UHRF2: variants seen among roughly 807,000 people sequenced by gnomAD.
UHRF2 encodes ubiquitin like with PHD and ring finger domains 2, also known as E3 ubiquitin-protein ligase UHRF2.
A neutral mutation model predicts 96.8 loss-of-function variants in UHRF2; 23 were observed. The ratio of observed to expected loss-of-function variants is 0.24; its 90% CI spans 0.17 to 0.34. UHRF2 has a LOEUF of 0.34. Among genes scored for constraint, UHRF2 ranks in the 10% least tolerant of loss-of-function variants. UHRF2 has a pLI of 1.00. For missense variants in UHRF2, 685 were observed against 981.5 expected (o/e 0.70, Z 4.04); for synonymous variants, 385 against 332.6 (o/e 1.16, Z -1.72).
chr9:6,455,103 C>T (rs1042964053), intron 3 of UHRF2, among the ~76,000 whole-genome samples: 9 of 152,286 alleles, frequency 5.9e-5, no homozygotes, highest in African/African-American at 1.7e-4. Context: ...CCCTCTACTA[C>T]CTAGCAATAC....
intron 3 of UHRF2, among the ~76,000 whole-genome samples, chr9:6,453,444 A>T (rs553317872): frequency 1.3e-5 from 2 of 152,358 alleles, no homozygotes; most frequent in South Asian, 4.1e-4. Flanking sequence ...GAAATAGAAC[A>T]GGTTTCTGTC....
At position 6,499,930 on chromosome 9, in the gene UHRF2, TGGTA is replaced by T; in HGVS notation, c.2005+4_2005+7del. The stretch of plus-strand genomic sequence containing the variant: ...GAACCACAAAAAGGCCAATTTCAGA[TGGTA>T]GGTAATGATTGCAAAATATAAATAA... On this transcript the variant is annotated splice_donor_variant and splice_donor_region_variant and coding_sequence_variant and intron_variant, in exon 13 of 16. Coordinates refer to ENST00000276893, the MANE Select transcript of UHRF2 (RefSeq NM_152896.3). LOFTEE classifies it high-confidence loss of function. The T allele has an allele frequency of 6.2e-7, 1 of 1,603,532 alleles. No homozygotes were observed. The highest frequency in any genetic ancestry group is 8.5e-7 in the Non-Finnish European group (1 of 1,172,252).
At position 6,497,923 on chromosome 9, in the gene UHRF2, C is replaced by T; in HGVS notation, c.1768-95C>T. ...AGCAAAGCAGAATATTCAGAAGTTG[C>T]ATTTAGTTCTGGCAAAGATTATTTT... On this transcript the variant is annotated intron_variant, in intron 11 of 15. Transcript: ENST00000276893. 3 of 1,458,498 alleles carry T rather than the reference C, an allele frequency of 2.1e-6. No homozygotes were observed. The South Asian group carries it at 4.0e-5, about 19-fold the overall frequency. 90.3% of individuals were successfully genotyped at this position (1,458,498 alleles called of 1,614,324 possible).
At chr9:6,491,226 C>T (rs949037087) in intron 9 of UHRF2, among the ~76,000 whole-genome samples, 1 of 152,170 alleles carries the variant, frequency 6.6e-6, no homozygotes, top group African/African-American at 2.4e-5. Flanking sequence ...AAGCCAGAGT[C>T]TGTTTGGTTT....
chr9:6,420,442 G>T (rs1563739845), intron 1 of UHRF2, among the ~76,000 whole-genome samples: 3 of 149,184 alleles, frequency 2.0e-5, no homozygotes, highest in Non-Finnish European at 3.0e-5. Context: ...CGGTGCTCAC[G>T]CTGTAATCCC....
intron 9 of UHRF2, among the ~76,000 whole-genome samples, chr9:6,487,193 T>TATTTTTTA (rs1563799293): frequency 1.2e-4 from 16 of 130,616 alleles, no homozygotes; most frequent in African/African-American, 4.2e-4. Context: ...TTTTTTTTTT[T>TATTTTTTA]TTTTTTTTTT....
chr9:6,505,337 T>C (rs1816527513), intron 15 of UHRF2, among the ~76,000 whole-genome samples: 1 of 152,118 alleles, frequency 6.6e-6, no homozygotes, highest in Admixed American at 6.6e-5. Flanking sequence ...ACTCTGTCGT[T>C]CAGGGTAGAG....
At chr9:6,443,313 C>G (rs1821290746) in intron 3 of UHRF2, among the ~76,000 whole-genome samples, 1 of 152,144 alleles carries the variant, frequency 6.6e-6, no homozygotes, top group South Asian at 2.1e-4. Flanking sequence ...CCTGGATTAT[C>G]TCATGTAATC....
intron 8 of UHRF2, 86 bp from the exon 9 acceptor site, chr9:6,486,735 G>T: frequency 7.7e-7 from 1 of 1,295,708 alleles, no homozygotes. Context: ...TGGGTCTTTA[G>T]GTACCAAGAA....
rs747681197 is a variant in UHRF2 at position 6,477,728 on chromosome 9, T to C, written c.1080T>C (p.Leu360=). 3 of 1,613,992 alleles carry C rather than the reference T, an allele frequency of 1.9e-6. No individual in the cohort carries two copies. The South Asian group carries it at 3.3e-5, about 18-fold the overall frequency. The change falls in exon 6 of 16, where the codon CTT becomes CTC. Residue 360 remains leucine, a synonymous_variant. Coordinates refer to ENST00000276893, the MANE Select transcript of UHRF2 (RefSeq NM_152896.3). Reference sequence around the variant, plus strand: ...GGAAACATGAACCCAACATGCAGCTTCTGTGTGATGAATGTAATGTGGCTT... The same window carrying C: ...GGAAACATGAACCCAACATGCAGCTCCTGTGTGATGAATGTAATGTGGCTT... The part of the protein sequence containing the change: ...CGGKHEPNMQ[L]LCDECNVAYH...
chr9:6,451,181 G>GT (rs201629072), intron 3 of UHRF2, among the ~76,000 whole-genome samples: 3,796 of 151,838 alleles, frequency 0.025, 74 homozygotes, highest in Middle Eastern at 0.058. Context: ...AAAGTTACGT[G>GT]TTTTTTTTGT....
At chr9:6,437,951 A>C (rs975035581) in intron 3 of UHRF2, among the ~76,000 whole-genome samples, 1 of 152,136 alleles carries the variant, frequency 6.6e-6, no homozygotes, top group Admixed American at 6.5e-5. Flanking sequence ...AAACCAGATG[A>C]TGCTGCTGTT....
intron 3 of UHRF2, among the ~76,000 whole-genome samples, chr9:6,444,212 C>G (rs1821354854): frequency 1.3e-5 from 2 of 152,138 alleles, no homozygotes; most frequent in Non-Finnish European, 2.9e-5. Context: ...ATTTCAGAAC[C>G]CTGGTAAAAT....
intron 9 of UHRF2, among the ~76,000 whole-genome samples, chr9:6,493,241 C>T (rs1295828813): frequency 2.0e-5 from 3 of 151,730 alleles, no homozygotes; most frequent in Non-Finnish European, 4.4e-5. Flanking sequence ...GAGGCTACAG[C>T]GAGCCGAGAT....
intron 2 of UHRF2, among the ~76,000 whole-genome samples, chr9:6,430,845 C>T (rs1027230472): frequency 6.6e-6 from 1 of 152,302 alleles, no homozygotes; most frequent in African/African-American, 2.4e-5. Context: ...TTCCCCTTCT[C>T]TTGGGGAATG....
At chr9:6,475,717 T>C (rs1200574863) in intron 5 of UHRF2, among the ~76,000 whole-genome samples, 1 of 152,214 alleles carries the variant, frequency 6.6e-6, no homozygotes, top group Non-Finnish European at 1.5e-5. Flanking sequence ...TCTTGGTATT[T>C]TATTGCTATT....
chr9:6,477,567 C>A, intron 5 of UHRF2, 55 bp from the exon 6 acceptor site: 1 of 1,478,398 alleles, frequency 6.8e-7, no homozygotes, highest in Non-Finnish European at 9.1e-7. Context: ...TTATGAGATT[C>A]ATAGATATAA....
At chr9:6,439,529 T>C (rs1821036230) in intron 3 of UHRF2, among the ~76,000 whole-genome samples, 1 of 152,246 alleles carries the variant, frequency 6.6e-6, no homozygotes, top group South Asian at 2.1e-4. Context: ...CACACCTTTA[T>C]GCAGATAGTG....
intron 3 of UHRF2, among the ~76,000 whole-genome samples, chr9:6,458,958 AAC>A (rs1241020583): frequency 6.6e-6 from 1 of 152,208 alleles, no homozygotes; most frequent in African/African-American, 2.4e-5. Context: ...TCAGCAAACT[AAC>A]ACAGGAACAG....
Sources: gnomAD v4.1 joint callset for allele counts (sites outside exome capture counted in the v4.1 genomes callset) on GRCh38, gnomAD v4.1.1 for gene constraint, MANE v1.5 for transcripts, NCBI Gene and HGNC (gene_info 2026-07-23, HGNC 2026-07-21) for gene names.